The following NTRK2 variants were observed in gnomAD, a reference collection of about 807,000 sequenced individuals.
The protein encoded by NTRK2 is neurotrophic receptor tyrosine kinase 2.
A neutral mutation model predicts 94.5 loss-of-function variants in NTRK2; 13 were observed. The observed-to-expected ratio is 0.14, with a 90% CI of 0.09 to 0.22. The LOEUF (loss-of-function observed/expected upper bound fraction) is 0.22, where lower values mean the gene tolerates loss of function less well. NTRK2 is among the 10% of genes least tolerant of loss of function. NTRK2 has a pLI of 1.00. For synonymous variants in NTRK2, 372 were observed against 407.4 expected (o/e 0.91, Z 1.05); for missense variants, 639 against 1,071.2 (o/e 0.60, Z 5.63).
At chr9:85,003,445 G>A (rs1357551106) in intron 17 of NTRK2, among the ~76,000 whole-genome samples, 1 of 152,172 alleles carries the variant, frequency 6.6e-6, no homozygotes, top group African/African-American at 2.4e-5. Flanking sequence ...ATTGTAGCTA[G>A]TTCTAAGTGC....
intron 17 of NTRK2, among the ~76,000 whole-genome samples, chr9:84,973,389 A>T (rs1387532672): frequency 6.6e-6 from 1 of 152,182 alleles, no homozygotes; most frequent in African/African-American, 2.4e-5. Flanking sequence ...AGTCTTCCCT[A>T]GTTTTTCATT....
At chr9:84,986,994 C>T (rs1017826814) in intron 17 of NTRK2, among the ~76,000 whole-genome samples, 12 of 152,268 alleles carry the variant, frequency 7.9e-5, no homozygotes, top group East Asian at 5.8e-4. Context: ...GTCCATTAGC[C>T]GGGGCTGTTT....
At chr9:84,985,561 C>T (rs760517139) in intron 17 of NTRK2, among the ~76,000 whole-genome samples, 1 of 152,116 alleles carries the variant, frequency 6.6e-6, no homozygotes, top group Non-Finnish European at 1.5e-5. Flanking sequence ...TGATATCTAC[C>T]CACTGATTAA....
chr9:84,903,114 A>C (rs11140804), intron 14 of NTRK2, among the ~76,000 whole-genome samples: 18,447 of 152,270 alleles, frequency 0.12, 1,331 homozygotes, highest in East Asian at 0.22. Context: ...TAAATTATTT[A>C]AAATTCCATA....
chr9:84,917,328 C>T (rs756393601), intron 14 of NTRK2, among the ~76,000 whole-genome samples: 10 of 152,164 alleles, frequency 6.6e-5, no homozygotes, highest in Admixed American at 2.0e-4. Context: ...TTTTGATGAT[C>T]GTTTCTGGGT....
chr9:84,890,280 G>A (rs997024900), intron 14 of NTRK2, among the ~76,000 whole-genome samples: 1 of 152,192 alleles, frequency 6.6e-6, no homozygotes, highest in Non-Finnish European at 1.5e-5. Context: ...GTGACAGCAG[G>A]TCCATGGGTG....
chr9:84,914,663 A>G (rs2077341487), intron 14 of NTRK2, among the ~76,000 whole-genome samples: 1 of 152,178 alleles, frequency 6.6e-6, no homozygotes, highest in South Asian at 2.1e-4. Context: ...ATTCTTGTCT[A>G]AGAGTTTTCT....
At chr9:84,926,672 T>G (rs1587955833) in intron 14 of NTRK2, among the ~76,000 whole-genome samples, 1 of 152,360 alleles carries the variant, frequency 6.6e-6, no homozygotes, top group Non-Finnish European at 1.5e-5. Flanking sequence ...TTAAGTGTTC[T>G]CTTTCTCACC....
intron 13 of NTRK2, among the ~76,000 whole-genome samples, chr9:84,862,359 T>G (rs10116287): frequency 0.11 from 17,440 of 152,214 alleles, 1,262 homozygotes; most frequent in East Asian, 0.22. Context: ...CGTGTGTTTT[T>G]GGGGAAGGTG....
intron 2 of NTRK2, 68 bp downstream of exon 2, chr9:84,671,028 G>A: frequency 6.9e-7 from 1 of 1,439,016 alleles, no homozygotes; most frequent in Non-Finnish European, 9.6e-7. Context: ...AGGTGGGTAG[G>A]TCCTGGAAGT....
intron 12 of NTRK2, 84 bp from the exon 13 acceptor site, chr9:84,860,956 A>G (rs1214638092): frequency 3.8e-6 from 3 of 781,958 alleles, no homozygotes; most frequent in East Asian, 2.8e-5. Flanking sequence ...AGTTTGTTGC[A>G]TTATTTGACC....
chr9:84,812,490 C>G, intron 12 of NTRK2: 1 of 1,048,910 alleles, frequency 9.5e-7, no homozygotes, highest in Non-Finnish European at 1.2e-6. Flanking sequence ...TTTTCTTGTT[C>G]GCGGCTAAAT....
chr9:84,849,386 G>A (rs1027821917), intron 12 of NTRK2, among the ~76,000 whole-genome samples: 1 of 152,162 alleles, frequency 6.6e-6, no homozygotes, highest in African/African-American at 2.4e-5. Flanking sequence ...CAAGCACCAT[G>A]GATCGGTGGG....
chr9:84,903,545 A>C (rs1731068911), intron 14 of NTRK2, among the ~76,000 whole-genome samples: 1 of 152,188 alleles, frequency 6.6e-6, no homozygotes, highest in African/African-American at 2.4e-5. Flanking sequence ...ATCTCAATGC[A>C]TCATGTTCTT....
intron 14 of NTRK2, chr9:84,877,678 C>A (rs200486410): frequency 9.4e-7 from 1 of 1,063,192 alleles, no homozygotes; most frequent in Non-Finnish European, 1.1e-6. Flanking sequence ...CCCTCTCCCA[C>A]ATTTCATGCA....
intron 12 of NTRK2, among the ~76,000 whole-genome samples, chr9:84,819,484 A>C (rs575180191): frequency 1.3e-5 from 2 of 152,044 alleles, no homozygotes; most frequent in Admixed American, 1.3e-4. Context: ...CTTTGCGTTT[A>C]CTCCAGGCTC....
chr9:84,860,375 T>C (rs769590752), intron 12 of NTRK2, among the ~76,000 whole-genome samples: 2 of 152,158 alleles, frequency 1.3e-5, no homozygotes, highest in Non-Finnish European at 2.9e-5. Flanking sequence ...GACCTTGTGT[T>C]CTAAGAGGCA....
chr9:84,926,169 C>CCTTTCTTTCTTT (rs869183621), intron 14 of NTRK2, among the ~76,000 whole-genome samples: 128 of 38,560 alleles, frequency 3.3e-3, no homozygotes, highest in East Asian at 7.7e-3. Context: ...TTCCTTCCTT[C>CCTTTCTTTCTTT]CTTTCTTTCT....
intron 17 of NTRK2, among the ~76,000 whole-genome samples, chr9:85,015,059 T>C (rs1020686064): frequency 6.6e-6 from 1 of 152,252 alleles, no homozygotes; most frequent in Admixed American, 6.5e-5. Context: ...CTGATGGTCA[T>C]CTGGTTTTTA....
Sources: allele counts gnomAD v4.1 joint callset (sites outside exome capture counted in the v4.1 genomes callset), GRCh38; gene constraint gnomAD v4.1.1; transcripts MANE v1.5; gene names NCBI Gene and HGNC (gene_info 2026-07-23, HGNC 2026-07-21).